The following PTPRG variants were observed in gnomAD, a reference collection of about 807,000 sequenced individuals.
The protein encoded by PTPRG is protein tyrosine phosphatase receptor type G.
PTPRG carries 102 observed loss-of-function variants against 165.3 expected under a neutral mutation model. The observed-to-expected ratio is 0.62, with a 90% CI of 0.53 to 0.73. The LOEUF (loss-of-function observed/expected upper bound fraction) is 0.73. Among genes scored for constraint, PTPRG ranks in the 30% least tolerant of loss-of-function variants. The probability of loss-of-function intolerance (pLI) is 0.00; values close to 1 mark genes in which losing one functional copy is unlikely to be tolerated. For missense variants in PTPRG, 1,866 were observed against 1,861.4 expected, an observed-to-expected ratio of 1.00 and a Z score of -0.05; for synonymous variants, 675 against 669.5, an observed-to-expected ratio of 1.01 and a Z score of -0.13.
At chr3:62,136,285 T>C (rs1313480801) in intron 6 of PTPRG, among the ~76,000 whole-genome samples, 1 of 152,194 alleles carries the variant, frequency 6.6e-6, no homozygotes, top group Non-Finnish European at 1.5e-5. Context: ...CAATTAAGTA[T>C]GTAATGACAT....
intron 2 of PTPRG, among the ~76,000 whole-genome samples, chr3:61,919,248 G>GT (rs1324534587): frequency 6.6e-6 from 1 of 152,184 alleles, no homozygotes; most frequent in Non-Finnish European, 1.5e-5. Flanking sequence ...GCTGCGTTGA[G>GT]GTTGGAGATA....
chr3:62,208,090 C>T (rs916267686), intron 12 of PTPRG, among the ~76,000 whole-genome samples: 2 of 152,196 alleles, frequency 1.3e-5, no homozygotes, highest in Non-Finnish European at 2.9e-5. Flanking sequence ...GTAGGAACCG[C>T]GGGTGGTCAA....
intron 4 of PTPRG, among the ~76,000 whole-genome samples, chr3:62,027,035 C>A (rs1193434664): frequency 6.6e-6 from 1 of 152,092 alleles, no homozygotes; most frequent in African/African-American, 2.4e-5. Flanking sequence ...GTTACTACTA[C>A]TGAGTCAAAT....
intron 1 of PTPRG, among the ~76,000 whole-genome samples, chr3:61,689,632 A>G (rs1375833733): frequency 1.3e-5 from 2 of 152,246 alleles, no homozygotes; most frequent in Non-Finnish European, 2.9e-5. Flanking sequence ...GGCAAGGGCA[A>G]GTGTGAATTG....
chr3:61,700,400 T>C (rs1291344396), intron 1 of PTPRG, among the ~76,000 whole-genome samples: 1 of 152,220 alleles, frequency 6.6e-6, no homozygotes, highest in East Asian at 1.9e-4. Context: ...CCTGACTAGA[T>C]AGAAATGAAT....
At chr3:61,846,930 A>G (rs2036823160) in intron 2 of PTPRG, among the ~76,000 whole-genome samples, 1 of 152,070 alleles carries the variant, frequency 6.6e-6, no homozygotes, top group Admixed American at 6.5e-5. Context: ...ATAGAGAGAG[A>G]GGGACAATAT....
intron 2 of PTPRG, among the ~76,000 whole-genome samples, chr3:61,773,355 A>G (rs2107035987): frequency 6.6e-6 from 1 of 152,312 alleles, no homozygotes. Flanking sequence ...GGAAGAGGAA[A>G]GATAAACGCC....
chr3:61,746,474 G>T (rs549153426), intron 1 of PTPRG, among the ~76,000 whole-genome samples: 1 of 152,010 alleles, frequency 6.6e-6, no homozygotes, highest in Non-Finnish European at 1.5e-5. Context: ...GTTTCGCCTT[G>T]TTACCCAGGC....
intron 5 of PTPRG, among the ~76,000 whole-genome samples, chr3:62,084,622 A>C (rs7646226): frequency 0.12 from 18,310 of 152,216 alleles, 1,369 homozygotes; most frequent in Non-Finnish European, 0.16. Context: ...GATTATTTAT[A>C]GACATTGAGA....
intron 1 of PTPRG, among the ~76,000 whole-genome samples, chr3:61,714,208 C>A (rs1336330407): frequency 6.6e-6 from 1 of 152,048 alleles, no homozygotes; most frequent in Non-Finnish European, 1.5e-5. Flanking sequence ...TTAACTGAAC[C>A]TTGCATGGTG....
At chr3:62,123,792 A>G (rs768845542) in intron 5 of PTPRG, among the ~76,000 whole-genome samples, 11 of 152,274 alleles carry the variant, frequency 7.2e-5, no homozygotes, top group South Asian at 6.2e-4. Context: ...GCTTGTGTCA[A>G]AAAGGTAATT....
At chr3:61,985,424 C>T (rs1282789364) in intron 2 of PTPRG, among the ~76,000 whole-genome samples, 1 of 152,190 alleles carries the variant, frequency 6.6e-6, no homozygotes, top group East Asian at 1.9e-4. Flanking sequence ...ATTTACAAGC[C>T]AGTAACAGAG....
intron 1 of PTPRG, among the ~76,000 whole-genome samples, chr3:61,663,835 T>C (rs1702733997): frequency 6.6e-6 from 1 of 152,076 alleles, no homozygotes; most frequent in Non-Finnish European, 1.5e-5. Context: ...CCTATGAGAA[T>C]CTAATGCTAC....
intron 1 of PTPRG, among the ~76,000 whole-genome samples, chr3:61,589,441 A>G (rs1026879645): frequency 6.6e-6 from 1 of 152,224 alleles, no homozygotes; most frequent in Admixed American, 6.5e-5. Flanking sequence ...GTCTTCTCAG[A>G]TATCTGCTTC....
chr3:61,776,711 G>A (rs1406342041), intron 2 of PTPRG, among the ~76,000 whole-genome samples: 1 of 151,992 alleles, frequency 6.6e-6, no homozygotes, highest in African/African-American at 2.4e-5. Context: ...GGTCTGTCTT[G>A]TCATTCTTGA....
At chr3:61,762,857 C>A (rs998064365) in intron 2 of PTPRG, among the ~76,000 whole-genome samples, 2 of 152,074 alleles carry the variant, frequency 1.3e-5, no homozygotes, top group Non-Finnish European at 2.9e-5. Context: ...TTAAGGTACA[C>A]CCCATGTTGT....
chr3:62,192,816 C>A (rs984163066), intron 9 of PTPRG, among the ~76,000 whole-genome samples: 1 of 152,120 alleles, frequency 6.6e-6, no homozygotes, highest in Non-Finnish European at 1.5e-5. Context: ...AATAATGAAA[C>A]CCGTAATTGT....
intron 20 of PTPRG, among the ~76,000 whole-genome samples, chr3:62,269,416 A>C (rs1284305438): frequency 6.6e-6 from 1 of 152,184 alleles, no homozygotes; most frequent in Admixed American, 6.6e-5. Flanking sequence ...TTTTTTAAAA[A>C]ATCATCCTCT....
rs1411076731 is a variant in PTPRG, at chr3:62,271,365, T to G, written c.3010-18T>G. On this transcript the variant is annotated intron_variant, in intron 20 of 29. Transcript: ENST00000474889. This position sits in a 1 kb window ranked among gnomAD's most constrained non-coding sequence, Gnocchi z 4.1. ...CCACCCCCCCGCTTAAAGACATCTT[T>G]TTTCACTTTTCTCACAGGGTCAGAA... 53 of 1,580,504 alleles carry G rather than the reference T, an allele frequency of 3.4e-5. No individual in the cohort carries two copies. The highest frequency in any genetic ancestry group is 4.5e-5 in the Non-Finnish European group (52 of 1,163,108).
Sources: gnomAD v4.1 joint callset for allele counts (sites outside exome capture counted in the v4.1 genomes callset) on GRCh38, gnomAD v4.1.1 for gene constraint, Gnocchi (gnomAD v3.1) non-coding constraint, MANE v1.5 for transcripts, NCBI Gene and HGNC (gene_info 2026-07-23, HGNC 2026-07-21) for gene names.